The following CXCL13 variants were observed in gnomAD, a reference collection of about 807,000 sequenced individuals.
The protein encoded by CXCL13 is C-X-C motif chemokine ligand 13, also known as C-X-C motif chemokine 13.
CXCL13 carries 7 observed loss-of-function variants against 12.2 expected under a neutral mutation model. The ratio of observed to expected loss-of-function variants is 0.57; its 90% CI spans 0.33 to 1.07. The LOEUF (loss-of-function observed/expected upper bound fraction) is 1.07. Ranked by LOEUF, CXCL13 falls within the 50% of genes least tolerant of loss-of-function variation. The pLI is 0.04. For synonymous variants in CXCL13, 47 were observed against 42.4 expected, an observed-to-expected ratio of 1.11 and a Z score of -0.42; for missense variants, 113 against 127.4, an observed-to-expected ratio of 0.89 and a Z score of 0.55.
chr4:77,533,456 C>T (rs1724981080), intron 1 of CXCL13, among the ~76,000 whole-genome samples: 1 of 152,210 alleles, frequency 6.6e-6, no homozygotes, highest in Non-Finnish European at 1.5e-5. Context: ...TGGGAGGTGC[C>T]TCCCAGTTAG....
chr4:77,570,620 G>T (rs1208647871), intron 1 of CXCL13, among the ~76,000 whole-genome samples: 1 of 152,218 alleles, frequency 6.6e-6, no homozygotes, highest in Non-Finnish European at 1.5e-5. Flanking sequence ...TTCTGGGCTG[G>T]CCAAGGCCAG....
intron 1 of CXCL13, among the ~76,000 whole-genome samples, chr4:77,513,710 C>T (rs1724330504): frequency 6.6e-6 from 1 of 152,120 alleles, no homozygotes; most frequent in Non-Finnish European, 1.5e-5. Flanking sequence ...ACTCAGCCTC[C>T]CAAAATGCTG....
Position 77,611,614 on chromosome 4 carries a change from G to A in CXCL13, c.*575G>A, listed in dbSNP as rs1242145913. The A allele has an allele frequency of 1.3e-5, 5 of 397,820 alleles. No homozygotes were observed. The highest frequency in any genetic ancestry group is 7.1e-5 in the East Asian group (2 of 28,034). The allele number at this position is 397,820 out of a possible 1,614,324, so 24.6% of individuals were successfully genotyped here. A position where few individuals can be genotyped will look rare whatever the true frequency, so the allele number is the denominator to read the frequency against. Reference sequence around the variant, plus strand: ...TTACTGTCTAAGATTAATAGCATTCGAAGATCCCCAGACTTCATAGAATAC... The same window carrying A: ...TTACTGTCTAAGATTAATAGCATTCAAAGATCCCCAGACTTCATAGAATAC... On this transcript the variant is annotated 3_prime_UTR_variant, in exon 4 of 4. Transcript: ENST00000682537.
At chr4:77,526,265 T>C (rs930906877) in intron 1 of CXCL13, among the ~76,000 whole-genome samples, 8 of 152,074 alleles carry the variant, frequency 5.3e-5, no homozygotes, top group African/African-American at 1.9e-4. Flanking sequence ...TCTCAGGTAT[T>C]CTGTTATAGT....
intron 1 of CXCL13, among the ~76,000 whole-genome samples, chr4:77,573,359 C>CTT (rs1299273450): frequency 1.0e-4 from 13 of 125,448 alleles, no homozygotes; most frequent in Non-Finnish European, 2.2e-4. Context: ...GCTATTGGGT[C>CTT]TTTTGTGTGT....
chr4:77,540,146 C>T (rs1725164960), intron 1 of CXCL13, among the ~76,000 whole-genome samples: 1 of 152,076 alleles, frequency 6.6e-6, no homozygotes, highest in South Asian at 2.1e-4. Context: ...ATGCCAGATA[C>T]CTAAGGTATC....
chr4:77,593,202 C>T (rs1267371578), intron 1 of CXCL13, among the ~76,000 whole-genome samples: 2 of 152,236 alleles, frequency 1.3e-5, no homozygotes, highest in Non-Finnish European at 2.9e-5. Context: ...CTGAAAAGCA[C>T]ACTCTGTTTC....
chr4:77,576,130 G>T lies in CXCL13; in HGVS notation c.-42-29694G>T, dbSNP rs116207397. On this transcript the variant is annotated intron_variant, in intron 1 of 4. Coordinates refer to the CXCL13 transcript ENST00000286758. Reference sequence around the variant, plus strand: ...AATGCAGGTTTCTGATAATTTTGGAGATTATGACGTTGGAATAAAGGAAAA... The same window carrying T: ...AATGCAGGTTTCTGATAATTTTGGATATTATGACGTTGGAATAAAGGAAAA... Among the ~76,000 whole-genome samples, 1,363 of 151,962 alleles carry T rather than the reference G, an allele frequency of 9.0e-3. 43 individuals carry two copies. Among genetic ancestry groups the T allele is most frequent in the African/African-American group, 0.031 (1,285 of 41,242 alleles).
At chr4:77,591,796 G>A (rs1726618443) in intron 1 of CXCL13, among the ~76,000 whole-genome samples, 1 of 152,170 alleles carries the variant, frequency 6.6e-6, no homozygotes, top group East Asian at 1.9e-4. Flanking sequence ...CTGTGGCCCT[G>A]CTGCCAGCAA....
In CXCL13 at chr4:77,595,082, T is replaced by C. The variant is rs551923218; in HGVS notation, c.-42-10742T>C. On this transcript the variant is annotated intron_variant, in intron 1 of 4. Transcript: ENST00000286758. ...TAAAGCATTTACCAGCAGCACATCA[T>C]TTTTGGTTTTAGGTGATTTTTTTTT... Among the ~76,000 whole-genome samples the C allele has an allele frequency of 2.3e-5, 3 of 133,316 alleles. No homozygotes were observed. The South Asian group carries it at 8.1e-4, about 36-fold the overall frequency. 87.5% of individuals were successfully genotyped at this position (133,316 alleles called of 152,430 possible). A position where few individuals can be genotyped will look rare whatever the true frequency, so the allele number is the denominator to read the frequency against.
intron 1 of CXCL13, among the ~76,000 whole-genome samples, chr4:77,515,317 A>G (rs1318998815): frequency 6.6e-6 from 1 of 151,996 alleles, no homozygotes; most frequent in African/African-American, 2.4e-5. Flanking sequence ...TATGAACTTT[A>G]AAGTAGTTTT....
rs1027644863 is a variant in CXCL13 at position 77,574,102 on chromosome 4, C to T, written c.-42-31722C>T. Among the ~76,000 whole-genome samples the T allele has an allele frequency of 2.0e-5, 3 of 151,844 alleles. 1 individual carries two copies. Among genetic ancestry groups the T allele is most frequent in the African/African-American group, 7.3e-5 (3 of 41,152 alleles). Reference sequence around the variant, plus strand: ...GATATAAAAGGATTTTTTTAAGAGGCGTATGGTTAAAAGTCATCTTAAAAA... The same window carrying T: ...GATATAAAAGGATTTTTTTAAGAGGTGTATGGTTAAAAGTCATCTTAAAAA... On this transcript the variant is annotated intron_variant, in intron 1 of 4. Coordinates refer to the CXCL13 transcript ENST00000286758.
At chr4:77,551,312 T>C (rs1213685422) in intron 1 of CXCL13, among the ~76,000 whole-genome samples, 1 of 152,226 alleles carries the variant, frequency 6.6e-6, no homozygotes, top group East Asian at 1.9e-4. Context: ...AAGGTTGGTC[T>C]AGTGGTAACA....
intron 1 of CXCL13, among the ~76,000 whole-genome samples, chr4:77,544,261 A>G (rs899543022): frequency 1.1e-4 from 16 of 152,110 alleles, no homozygotes; most frequent in Non-Finnish European, 7.4e-5. Flanking sequence ...GGCATATACC[A>G]AGTAATGGGA....
At chr4:77,534,396 A>G (rs1725008532) in intron 1 of CXCL13, among the ~76,000 whole-genome samples, 1 of 152,224 alleles carries the variant, frequency 6.6e-6, no homozygotes, top group African/African-American at 2.4e-5. Flanking sequence ...TACATGAAAT[A>G]CTACCCAGAA....
intron 1 of CXCL13, among the ~76,000 whole-genome samples, chr4:77,595,711 C>T (rs190304495): frequency 4.4e-4 from 67 of 152,274 alleles, no homozygotes; most frequent in Non-Finnish European, 7.4e-4. Flanking sequence ...ATACTGTTGG[C>T]GATTTTTTGC....
intron 2 of CXCL13, among the ~76,000 whole-genome samples, chr4:77,609,024 A>G (rs768436108): frequency 1.4e-4 from 22 of 152,372 alleles, no homozygotes; most frequent in Middle Eastern, 3.4e-3. Flanking sequence ...AATTTTAACC[A>G]GATACAGAAA....
intron 1 of CXCL13, among the ~76,000 whole-genome samples, chr4:77,533,842 G>T (rs1413042043): frequency 6.6e-6 from 1 of 152,246 alleles, no homozygotes; most frequent in East Asian, 1.9e-4. Flanking sequence ...CCATGCACGG[G>T]ATATAATCTC....
At chr4:77,523,730 C>T (rs1417966852) in intron 1 of CXCL13, among the ~76,000 whole-genome samples, 1 of 152,210 alleles carries the variant, frequency 6.6e-6, no homozygotes, top group South Asian at 2.1e-4. Flanking sequence ...CAAAGTCATT[C>T]TCTGTCCAGC....
Sources: allele counts gnomAD v4.1 joint callset (sites outside exome capture counted in the v4.1 genomes callset), GRCh38; gene constraint gnomAD v4.1.1; transcripts MANE v1.5; gene names NCBI Gene and HGNC (gene_info 2026-07-23, HGNC 2026-07-21).